Variants in IL34 observed in about 807,000 individuals in gnomAD.
The protein encoded by IL34 is interleukin 34.
In IL34, 17 loss-of-function variants were observed where a neutral mutation model predicts 25.3. That is an observed-to-expected ratio of 0.67 (90% confidence interval 0.46 to 1.01). The LOEUF is 1.01. Among genes scored for constraint, IL34 ranks in the 50% least tolerant of loss-of-function variants. The pLI, the probability that IL34 is intolerant of heterozygous loss-of-function variation, is 0.00. For synonymous variants in IL34, 174 were observed against 140.9 expected, an observed-to-expected ratio of 1.23 and a Z score of -1.66; for missense variants, 368 against 312.9, an observed-to-expected ratio of 1.18 and a Z score of -1.33.
intron 1 of IL34, among the ~76,000 whole-genome samples, chr16:70,603,243 A>G (rs1198468615): frequency 1.3e-5 from 2 of 152,188 alleles, no homozygotes; most frequent in African/African-American, 4.8e-5. Flanking sequence ...TCAAATTTAG[A>G]TACAACATAA....
intron 1 of IL34, among the ~76,000 whole-genome samples, chr16:70,636,551 C>A (rs1372319904): frequency 1.3e-5 from 2 of 150,674 alleles, no homozygotes; most frequent in Admixed American, 6.7e-5. Context: ...AGACCAGGAG[C>A]TTGAGACCAG....
chr16:70,656,813 GC>G, intron 3 of IL34, 134 bp downstream of exon 3: 1 of 1,043,224 alleles, frequency 9.6e-7, no homozygotes, highest in Non-Finnish European at 1.5e-6. Flanking sequence ...GAGCAGGCTG[GC>G]CCTTGGCCCA....
Position 70,654,668 on chromosome 16 carries a change from C to A in IL34, c.159C>A (p.Tyr53Ter). The change falls in exon 2 of 6, where the codon TAC becomes TAA. Residue 53 changes from tyrosine (Y) to a stop codon, truncating the protein, a stop_gained. Transcript: ENST00000288098. LOFTEE classifies it high-confidence loss of function. ...TGCAGTACAGGAGCCGACTTCAGTA[C>A]ATGGTAACCACGTGGGCACCAGCTG... ...DKLQYRSRLQ[Y>*]MKHYFPINYK... 1 of 1,602,620 alleles carries A rather than the reference C, an allele frequency of 6.2e-7. No homozygotes were observed. Among genetic ancestry groups the A allele is most frequent in the Non-Finnish European group, 8.5e-7 (1 of 1,171,120 alleles).
chr16:70,625,970 G>A (rs2051384292), intron 1 of IL34, among the ~76,000 whole-genome samples: 1 of 152,174 alleles, frequency 6.6e-6, no homozygotes, highest in African/African-American at 2.4e-5. Flanking sequence ...ACAGGGGATT[G>A]ATCTCCCAAG....
chr16:70,629,852 G>T (rs1332068495), intron 1 of IL34, among the ~76,000 whole-genome samples: 1 of 151,742 alleles, frequency 6.6e-6, no homozygotes, highest in Non-Finnish European at 1.5e-5. Flanking sequence ...TTTATCTTTT[G>T]TGTTATGATT....
chr16:70,643,214 C>T (rs1413158282), upstream of IL34, among the ~76,000 whole-genome samples: 1 of 152,056 alleles, frequency 6.6e-6, no homozygotes, highest in Non-Finnish European at 1.5e-5. Context: ...AGGTGCGCAC[C>T]ACCGTGCCTG....
chr16:70,603,503 C>G (rs2050951513), intron 1 of IL34, among the ~76,000 whole-genome samples: 2 of 152,112 alleles, frequency 1.3e-5, no homozygotes, highest in African/African-American at 4.8e-5. Flanking sequence ...GTCTCGAACT[C>G]CTGACCTCAG....
chr16:70,658,580 C>T (rs559507853), intron 4 of IL34, among the ~76,000 whole-genome samples: 4 of 152,130 alleles, frequency 2.6e-5, no homozygotes, highest in African/African-American at 7.2e-5. Flanking sequence ...CTCCCAGGTT[C>T]AAGCAATTCT....
chr16:70,654,406 C>T (rs2052159578), intron 1 of IL34, 132 bp from the exon 2 acceptor site: 2 of 1,243,368 alleles, frequency 1.6e-6, no homozygotes, highest in Admixed American at 2.5e-5. Context: ...ATCCCGTGCC[C>T]CCCACCACAC....
At chr16:70,628,389 T>G (rs527668549) in intron 1 of IL34, among the ~76,000 whole-genome samples, 4 of 152,174 alleles carry the variant, frequency 2.6e-5, no homozygotes, top group African/African-American at 9.6e-5. Flanking sequence ...CATTTCTTGA[T>G]AAGTTTATTT....
chr16:70,594,399 A>T (rs3886749), intron 1 of IL34, among the ~76,000 whole-genome samples: 1 of 152,158 alleles, frequency 6.6e-6, no homozygotes, highest in Non-Finnish European at 1.5e-5. Flanking sequence ...TGTGCTTTCA[A>T]TTTCAAATAG....
intron 1 of IL34, among the ~76,000 whole-genome samples, chr16:70,653,496 C>T (rs757846157): frequency 5.3e-5 from 8 of 151,942 alleles, no homozygotes; most frequent in African/African-American, 1.9e-4. Flanking sequence ...CTCAGGAGTT[C>T]GAGGCAAGTC....
intron 1 of IL34, among the ~76,000 whole-genome samples, chr16:70,622,663 A>T (rs1028318004): frequency 6.6e-6 from 1 of 151,982 alleles, no homozygotes; most frequent in Admixed American, 6.6e-5. Context: ...TGGTATCAGG[A>T]ATAATGTGGG....
rs541664096 is a variant in IL34, at chr16:70,600,223, C to T, written c.-401+20174C>T. ...GCCTCTAGTGTAAGTCTCTACCCCT[C>T]TCTACCCCCTGCCACAAAGCCTGCT... On this transcript the variant is annotated intron_variant, in intron 1 of 6. Transcript: ENST00000429149. Among the ~76,000 whole-genome samples, 3 of 152,186 alleles carry T rather than the reference C, an allele frequency of 2.0e-5. No individual in the cohort carries two copies. The South Asian group carries it at 6.2e-4, about 32-fold the overall frequency.
At chr16:70,650,374 G>T (rs530251052) in intron 1 of IL34, among the ~76,000 whole-genome samples, 2 of 152,214 alleles carry the variant, frequency 1.3e-5, no homozygotes, top group Non-Finnish European at 2.9e-5. Context: ...CAGATCATCT[G>T]TGGACAGGGT....
At chr16:70,598,314 C>T (rs766687097) in intron 1 of IL34, among the ~76,000 whole-genome samples, 5 of 152,138 alleles carry the variant, frequency 3.3e-5, no homozygotes, top group Non-Finnish European at 5.9e-5. Flanking sequence ...TGGTTGGTGT[C>T]CTGGCCTCTA....
intron 4 of IL34, among the ~76,000 whole-genome samples, chr16:70,657,890 A>G (rs2052274881): frequency 6.6e-6 from 1 of 152,132 alleles, no homozygotes; most frequent in Admixed American, 6.5e-5. Flanking sequence ...CCCTAATGTA[A>G]ATTATGGACT....
chr16:70,637,726 C>T (rs980970044), intron 1 of IL34, among the ~76,000 whole-genome samples: 4 of 152,130 alleles, frequency 2.6e-5, no homozygotes, highest in Middle Eastern at 3.2e-3. Flanking sequence ...GATAGTTTCC[C>T]CAGTGTTGAT....
At chr16:70,646,065 T>C (rs956036810), upstream of IL34, among the ~76,000 whole-genome samples, 1 of 152,018 alleles carries the variant, frequency 6.6e-6, no homozygotes, top group African/African-American at 2.4e-5. Flanking sequence ...AAAAAAATTT[T>C]TTTTTTCTTA....
Sources: gnomAD v4.1 joint callset for allele counts (sites outside exome capture counted in the v4.1 genomes callset) on GRCh38, gnomAD v4.1.1 for gene constraint, MANE v1.5 for transcripts, NCBI Gene and HGNC (gene_info 2026-07-23, HGNC 2026-07-21) for gene names.